MYO1B: variants seen among roughly 807,000 people sequenced by gnomAD.
The protein encoded by MYO1B is myosin IB.
MYO1B carries 72 observed loss-of-function variants against 159.7 expected under a neutral mutation model. That is an observed-to-expected ratio of 0.45 (90% CI 0.37 to 0.55). The LOEUF (loss-of-function observed/expected upper bound fraction) is 0.55, where lower values mean the gene tolerates loss of function less well. Ranked by LOEUF, MYO1B falls within the 20% of genes least tolerant of loss-of-function variation. The pLI is 0.00. For synonymous variants in MYO1B, 468 were observed against 473.8 expected (o/e 0.99, Z 0.16); for missense variants, 1,062 against 1,364.8 (o/e 0.78, Z 3.50).
chr2:191,257,186 C>G (rs1008804644), intron 1 of MYO1B, among the ~76,000 whole-genome samples: 1 of 152,096 alleles, frequency 6.6e-6, no homozygotes, highest in African/African-American at 2.4e-5. Flanking sequence ...ACTTTTCACT[C>G]TCAGAAATCT....
intron 1 of MYO1B, among the ~76,000 whole-genome samples, chr2:191,265,038 T>C (rs766606653): frequency 8.5e-5 from 13 of 152,188 alleles, no homozygotes; most frequent in East Asian, 1.9e-4. Flanking sequence ...CAGTAGTCGT[T>C]GTAACCTATG....
chr2:191,397,626 C>CA (rs1696207641), intron 21 of MYO1B, among the ~76,000 whole-genome samples: 2 of 148,344 alleles, frequency 1.3e-5, no homozygotes, highest in South Asian at 4.4e-4. Context: ...TCCGATTTCT[C>CA]AATTTTTTCC....
In MYO1B at chr2:191,256,387, C is replaced by T. The variant is rs199958732; in HGVS notation, c.-10+10761C>T. On this transcript the variant is annotated intron_variant, in intron 1 of 30. Transcript: ENST00000392318. ...AAATGAATCAACACATGTGCAGCTC[C>T]TAGAACAGTGTCAGGCACAGAGCAA... Among the ~76,000 whole-genome samples, 21 of 152,272 alleles carry T rather than the reference C, an allele frequency of 1.4e-4. 1 individual carries two copies. In the East Asian group the frequency reaches 3.9e-3, roughly 28 times the overall value.
chr2:191,304,478 G>A (rs1016502607), intron 3 of MYO1B, among the ~76,000 whole-genome samples: 1 of 152,138 alleles, frequency 6.6e-6, no homozygotes, highest in African/African-American at 2.4e-5. Flanking sequence ...GCTGAGGCAG[G>A]AGAATTGCTT....
In MYO1B at chr2:191,411,027, A is replaced by T. The variant is rs921965670; in HGVS notation, c.2767-39A>T. ...TAAGAATGAGTAATAATTTATTTAT[A>T]TAAATGATGTTTTGTTTCTTTCTTC... On this transcript the variant is annotated intron_variant, in intron 26 of 30. Coordinates refer to ENST00000392318, the MANE Select transcript of MYO1B (RefSeq NM_001130158.3). 4 of 1,153,122 alleles carry T rather than the reference A, an allele frequency of 3.5e-6. No homozygotes were observed. In the African/African-American group the frequency reaches 4.7e-5, roughly 14 times the overall value. The allele number at this position is 1,153,122 out of a possible 1,614,324, so 71.4% of individuals were successfully genotyped here.
At chr2:191,306,105 A>G (rs1457172338) in intron 3 of MYO1B, among the ~76,000 whole-genome samples, 1 of 152,186 alleles carries the variant, frequency 6.6e-6, no homozygotes, top group Non-Finnish European at 1.5e-5. Flanking sequence ...TTAAATGGTG[A>G]CAAGTGCTGT....
At chr2:191,258,974 G>A (rs976068558) in intron 1 of MYO1B, among the ~76,000 whole-genome samples, 1 of 152,180 alleles carries the variant, frequency 6.6e-6, no homozygotes, top group African/African-American at 2.4e-5. Flanking sequence ...TCTGCAACTC[G>A]GATGGAGAAA....
chr2:191,265,181 G>A (rs897807841), intron 1 of MYO1B, among the ~76,000 whole-genome samples: 1 of 135,258 alleles, frequency 7.4e-6, no homozygotes, highest in East Asian at 2.1e-4. Context: ...CGATGGGAAG[G>A]CCCCTGTTTT....
At chr2:191,344,134 T>A (rs1392271009) in intron 5 of MYO1B, among the ~76,000 whole-genome samples, 1 of 152,164 alleles carries the variant, frequency 6.6e-6, no homozygotes, top group African/African-American at 2.4e-5. Context: ...ACATCTCTAG[T>A]CGGACTTGGG....
intron 6 of MYO1B, among the ~76,000 whole-genome samples, chr2:191,347,083 C>G (rs1346406636): frequency 6.6e-6 from 1 of 152,222 alleles, no homozygotes; most frequent in Non-Finnish European, 1.5e-5. Flanking sequence ...ACATACCTTA[C>G]TGATTGCCAC....
chr2:191,252,672 A>G (rs548707635), intron 1 of MYO1B, among the ~76,000 whole-genome samples: 1 of 152,244 alleles, frequency 6.6e-6, no homozygotes, highest in African/African-American at 2.4e-5. Flanking sequence ...TAAATTTAAC[A>G]GGGGACGGAT....
intron 3 of MYO1B, among the ~76,000 whole-genome samples, chr2:191,323,657 G>A (rs938340681): frequency 9.9e-5 from 15 of 152,116 alleles, no homozygotes; most frequent in African/African-American, 3.6e-4. Flanking sequence ...TCTAAAGGAA[G>A]AAGAAACTAA....
At chr2:191,353,033 A>G (rs1693022605) in intron 7 of MYO1B, among the ~76,000 whole-genome samples, 1 of 152,222 alleles carries the variant, frequency 6.6e-6, no homozygotes, top group Non-Finnish European at 1.5e-5. Context: ...CCAATTGTGT[A>G]CCCAGGAAGT....
chr2:191,264,416 C>G (rs928069898), intron 1 of MYO1B, among the ~76,000 whole-genome samples: 3 of 151,986 alleles, frequency 2.0e-5, no homozygotes, highest in African/African-American at 7.2e-5. Context: ...ACCAAAGCTT[C>G]ACTGTTGAGT....
chr2:191,308,035 TGGAGGTGG>T (rs1347038136), intron 3 of MYO1B, among the ~76,000 whole-genome samples: 2 of 152,032 alleles, frequency 1.3e-5, no homozygotes, highest in Admixed American at 1.3e-4. Context: ...CTCCCCTCCC[TGGAGGTGG>T]GGAGGTGGGG....
chr2:191,367,356 A>C (rs1694076528), intron 11 of MYO1B, among the ~76,000 whole-genome samples: 1 of 152,260 alleles, frequency 6.6e-6, no homozygotes, highest in African/African-American at 2.4e-5. Flanking sequence ...ACTAAAGGGT[A>C]GTATTTTCTT....
chr2:191,250,540 GC>G (rs1231604879), intron 1 of MYO1B, among the ~76,000 whole-genome samples: 5 of 152,146 alleles, frequency 3.3e-5, no homozygotes, highest in African/African-American at 9.7e-5. Flanking sequence ...AGGCATATTT[GC>G]ATTTTAAAAG....
At chr2:191,305,824 T>C (rs944645686) in intron 3 of MYO1B, among the ~76,000 whole-genome samples, 1 of 152,142 alleles carries the variant, frequency 6.6e-6, no homozygotes, top group African/African-American at 2.4e-5. Context: ...CAGCCCTGCC[T>C]GAGGAGCTAG....
chr2:191,420,940 G>A (rs1697897440), intron 30 of MYO1B, among the ~76,000 whole-genome samples: 1 of 152,080 alleles, frequency 6.6e-6, no homozygotes, highest in African/African-American at 2.4e-5. Context: ...ATGAGGTGAA[G>A]ATAAATAATA....
Sources: gnomAD v4.1 joint callset for allele counts (sites outside exome capture counted in the v4.1 genomes callset) on GRCh38, gnomAD v4.1.1 for gene constraint, MANE v1.5 for transcripts, NCBI Gene and HGNC (gene_info 2026-07-23, HGNC 2026-07-21) for gene names.